ASAP1: variants seen among roughly 807,000 people sequenced by gnomAD.
ASAP1 encodes ArfGAP with SH3 domain, ankyrin repeat and PH domain 1.
ASAP1 carries 43 observed loss-of-function variants against 145.2 expected under a neutral mutation model. The ratio of observed to expected loss-of-function variants is 0.30; its 90% confidence interval spans 0.23 to 0.38. The LOEUF is 0.38. ASAP1 is among the 10% of genes least tolerant of loss of function. The probability of loss-of-function intolerance (pLI) is 1.00; values close to 1 mark genes in which losing one functional copy is unlikely to be tolerated. For missense variants in ASAP1, 1,018 were observed against 1,355.3 expected, an observed-to-expected ratio of 0.75 and a Z score of 3.91; for synonymous variants, 546 against 515.5, an observed-to-expected ratio of 1.06 and a Z score of -0.80.
chr8:130,076,684 C>G (rs940286045), intron 26 of ASAP1, among the ~76,000 whole-genome samples: 1 of 152,018 alleles, frequency 6.6e-6, no homozygotes, highest in African/African-American at 2.4e-5. Flanking sequence ...CCACACCCGG[C>G]TAATTTTTGT....
At chr8:130,236,071 A>G (rs1586654478) in intron 4 of ASAP1, among the ~76,000 whole-genome samples, 2 of 152,274 alleles carry the variant, frequency 1.3e-5, no homozygotes, top group African/African-American at 2.4e-5. Flanking sequence ...GAAGTGGATT[A>G]GCAAGGACGA....
In ASAP1 at chr8:130,401,977, A is replaced by T. The variant is rs1045447425; in HGVS notation, c.-27-7T>A. On this transcript the variant is annotated splice_polypyrimidine_tract_variant and splice_region_variant and intron_variant, in intron 1 of 29. Coordinates refer to ENST00000518721, the MANE Select transcript of ASAP1 (RefSeq NM_018482.4). ...CGTCACATCAGAAAACGACCTGGAT[A>T]GGGGGCAGGACAAAAAGGGGACAAG... is the stretch of plus-strand genomic sequence containing the variant. 2.5e-6 allele frequency: 4 copies of T among 1,597,038 alleles called. No individual in the cohort carries two copies. The highest frequency in any genetic ancestry group is 2.7e-5 in the African/African-American group (2 of 74,504).
intron 3 of ASAP1, among the ~76,000 whole-genome samples, chr8:130,350,336 C>A (rs1267296916): frequency 6.6e-6 from 1 of 152,190 alleles, no homozygotes; most frequent in Non-Finnish European, 1.5e-5. Flanking sequence ...GAATTCAAAT[C>A]CCTGCATGGT....
intron 27 of ASAP1, among the ~76,000 whole-genome samples, chr8:130,073,816 C>G (rs1386433634): frequency 6.6e-6 from 1 of 152,124 alleles, no homozygotes; most frequent in Non-Finnish European, 1.5e-5. Flanking sequence ...GTGTACACCT[C>G]GTGATAGAAC....
At chr8:130,216,555 G>A (rs953662847) in intron 4 of ASAP1, among the ~76,000 whole-genome samples, 2 of 152,106 alleles carry the variant, frequency 1.3e-5, no homozygotes, top group African/African-American at 2.4e-5. Context: ...CTCACGACTG[G>A]TCCTCTCCAT....
At chr8:130,311,278 A>G (rs959266980) in intron 3 of ASAP1, among the ~76,000 whole-genome samples, 6 of 152,228 alleles carry the variant, frequency 3.9e-5, no homozygotes, top group African/African-American at 1.4e-4. Flanking sequence ...CCCAATGGCC[A>G]TATTTTATAA....
At chr8:130,267,222 C>T (rs1024568210) in intron 3 of ASAP1, among the ~76,000 whole-genome samples, 1 of 151,998 alleles carries the variant, frequency 6.6e-6, no homozygotes, top group Non-Finnish European at 1.5e-5. Context: ...GAATCTATTG[C>T]TCAACTCAAG....
At chr8:130,386,479 C>CTG (rs1321721931) in intron 2 of ASAP1, among the ~76,000 whole-genome samples, 2 of 152,264 alleles carry the variant, frequency 1.3e-5, no homozygotes, top group Non-Finnish European at 2.9e-5. Flanking sequence ...CAAATTCAGA[C>CTG]TGTGGCCTCA....
intron 3 of ASAP1, among the ~76,000 whole-genome samples, chr8:130,282,242 A>G (rs1054790390): frequency 9.2e-5 from 14 of 152,222 alleles, no homozygotes; most frequent in African/African-American, 3.1e-4. Flanking sequence ...TTAGGGATCT[A>G]ATAATCTATA....
chr8:130,246,099 G>A (rs1473133429), intron 3 of ASAP1, among the ~76,000 whole-genome samples: 2 of 152,000 alleles, frequency 1.3e-5, no homozygotes, highest in Non-Finnish European at 2.9e-5. Context: ...GAGTTGTAAA[G>A]GAAGTCTTAC....
intron 2 of ASAP1, among the ~76,000 whole-genome samples, chr8:130,382,249 G>A (rs1427345504): frequency 1.6e-5 from 2 of 127,176 alleles, no homozygotes; most frequent in Non-Finnish European, 3.1e-5. Context: ...TTGCGCCACT[G>A]CACTCCAGCA....
At chr8:130,058,125 A>T (rs2097408368) in intron 28 of ASAP1, 49 bp from the exon 29 acceptor site, 1 of 1,597,228 alleles carries the variant, frequency 6.3e-7, no homozygotes, top group Non-Finnish European at 8.6e-7. Flanking sequence ...CTGAATGGAA[A>T]AAAAGAGCAG....
At chr8:130,071,251 T>C (rs2097445902) in intron 27 of ASAP1, among the ~76,000 whole-genome samples, 1 of 152,090 alleles carries the variant, frequency 6.6e-6, no homozygotes, top group Admixed American at 6.5e-5. Flanking sequence ...AGATTATAGG[T>C]ATGAGCCACT....
At chr8:130,315,904 A>T (rs963265370) in intron 3 of ASAP1, among the ~76,000 whole-genome samples, 4 of 152,132 alleles carry the variant, frequency 2.6e-5, no homozygotes, top group Non-Finnish European at 5.9e-5. Context: ...CTAGGCCTAG[A>T]TATAAATCCC....
intron 1 of ASAP1, among the ~76,000 whole-genome samples, chr8:130,429,762 C>G (rs900408508): frequency 2.0e-5 from 3 of 152,208 alleles, no homozygotes; most frequent in Non-Finnish European, 4.4e-5. Context: ...CACCCCCACT[C>G]CCCCGCAACA....
chr8:130,358,441 C>T lies in ASAP1; in HGVS notation c.60-298G>A, dbSNP rs1039665845. ...CTGCTCATGCCGGCGGCGGCAGCTC[C>T]TCAGCGGCGGGGGAGGGGACGCGGC... On this transcript the variant is annotated intron_variant, in intron 2 of 29. Coordinates refer to ENST00000518721, the MANE Select transcript of ASAP1 (RefSeq NM_018482.4). The surrounding 1 kb of genome is among the most constrained non-coding windows in gnomAD (Gnocchi z 4.1). Among the ~76,000 whole-genome samples, 10 of 148,564 alleles carry T rather than the reference C, an allele frequency of 6.7e-5. No individual in the cohort carries two copies. The highest frequency in any genetic ancestry group is 2.4e-4 in the African/African-American group (10 of 41,132).
chr8:130,370,449 T>A (rs1446501500), intron 2 of ASAP1, among the ~76,000 whole-genome samples: 3 of 152,192 alleles, frequency 2.0e-5, no homozygotes, highest in Non-Finnish European at 4.4e-5. Flanking sequence ...ATCTCAGACT[T>A]CCAGCTTTCA....
intron 13 of ASAP1, among the ~76,000 whole-genome samples, chr8:130,143,676 T>C (rs1347565069): frequency 6.6e-6 from 1 of 152,168 alleles, no homozygotes. Context: ...AATCATCAAA[T>C]AAGTAAGTAG....
intron 1 of ASAP1, among the ~76,000 whole-genome samples, chr8:130,439,856 G>C (rs572289952): frequency 1.3e-5 from 2 of 152,188 alleles, no homozygotes; most frequent in Admixed American, 1.3e-4. Context: ...AAGTCTCCTC[G>C]GAGGTCCAGG....
Sources: gnomAD v4.1 joint callset for allele counts (sites outside exome capture counted in the v4.1 genomes callset) on GRCh38, gnomAD v4.1.1 for gene constraint, Gnocchi (gnomAD v3.1) non-coding constraint, MANE v1.5 for transcripts, NCBI Gene and HGNC (gene_info 2026-07-23, HGNC 2026-07-21) for gene names.